SLURP2: variants seen among roughly 807,000 people sequenced by gnomAD.
SLURP2 encodes secreted LY6/PLAUR domain containing 2.
SLURP2 carries 4 observed loss-of-function variants against 9.8 expected under a neutral mutation model. The observed-to-expected ratio is 0.41, with a 90% CI of 0.20 to 0.94. The LOEUF (loss-of-function observed/expected upper bound fraction) is 0.94, where lower values mean the gene tolerates loss of function less well. SLURP2 is among the 40% of genes least tolerant of loss of function. The probability of loss-of-function intolerance (pLI) is 0.32; values close to 1 mark genes in which losing one functional copy is unlikely to be tolerated. For synonymous variants in SLURP2, 58 were observed against 56.2 expected (o/e 1.03, Z -0.15); for missense variants, 118 against 126.4 (o/e 0.93, Z 0.32).
chr8:142,765,303 T>A (rs1385511147), intron 1 of SLURP2, among the ~76,000 whole-genome samples, 163 bp from the exon 2 acceptor site: 1 of 152,204 alleles, frequency 6.6e-6, no homozygotes, highest in Non-Finnish European at 1.5e-5. Context: ...TGGGCCCCTG[T>A]CCCTCACCTT....
intron 2 of SLURP2, 73 bp from the exon 3 acceptor site, chr8:142,764,814 C>T: frequency 1.3e-6 from 2 of 1,571,486 alleles, no homozygotes; most frequent in South Asian, 2.3e-5. Flanking sequence ...CCCCATCTGC[C>T]ACTGAGCTGA....
In SLURP2 at chr8:142,769,773, C is replaced by A. The variant is rs370262783; in HGVS notation, c.34G>T (p.Val12Phe). ...QLGTGLLLAA[V>F]LSLQLAAAEA... ...GACTCACCCAGCTGCAGGCTCAGGA[C>A]GGCGGCCAGCAGGAGCCCAGTGCCG... Residue 12 changes from valine to phenylalanine, a missense_variant, in exon 1 of 3, where the codon GTC (valine) becomes TTC (phenylalanine). Val to Phe is a conservative substitution (Grantham distance 50). Coordinates refer to ENST00000317543, the MANE Select transcript of SLURP2 (RefSeq NM_177458.3). 6.2e-7 allele frequency: 1 copy of A among 1,602,660 alleles called. No individual in the cohort carries two copies. Among genetic ancestry groups the A allele is most frequent in the Non-Finnish European group, 8.5e-7 (1 of 1,176,430 alleles).
chr8:142,764,922 C>T, intron 2 of SLURP2, 114 bp downstream of exon 2: 2 of 1,136,066 alleles, frequency 1.8e-6, no homozygotes, highest in Non-Finnish European at 2.6e-6. Flanking sequence ...GCGGACACTC[C>T]CCACTATGCT....
chr8:142,767,902 AT>A (rs1815053029), intron 1 of SLURP2, among the ~76,000 whole-genome samples: 1 of 72,262 alleles, frequency 1.4e-5, no homozygotes, highest in African/African-American at 4.5e-5. Context: ...GAATGAATAA[AT>A]GAATGAATGA....
chr8:142,765,213 C>G, intron 1 of SLURP2, 73 bp from the exon 2 acceptor site: 1 of 1,158,886 alleles, frequency 8.6e-7, no homozygotes, highest in Non-Finnish European at 1.3e-6. Context: ...AGTGACGGCA[C>G]GCACTCATCT....
rs918056902 is a variant in SLURP2, at chr8:142,768,705, C to T, written c.52+1050G>A. On this transcript the variant is annotated intron_variant, in intron 1 of 2. Transcript: ENST00000317543. The surrounding 1 kb of genome is among the most constrained non-coding windows in gnomAD (Gnocchi z 4.8). ...CAGGTTAAGTCGAGTCCCCAGGCCC[C>T]TGTGTGTCTCGGACCTTCAGCACAG... Among the ~76,000 whole-genome samples the T allele has an allele frequency of 6.6e-6, 1 of 152,174 alleles. No individual in the cohort carries two copies. The highest frequency in any genetic ancestry group is 2.4e-5 in the African/African-American group (1 of 41,446).
intron 1 of SLURP2, among the ~76,000 whole-genome samples, chr8:142,766,612 C>T (rs1010085604): frequency 4.6e-5 from 7 of 152,154 alleles, no homozygotes; most frequent in Non-Finnish European, 1.0e-4. Flanking sequence ...CTCCTGGGCA[C>T]CCCCCAAGGG....
chr8:142,764,433 T>A lies in SLURP2; in HGVS notation c.*172A>T, dbSNP rs1412553245. On this transcript the variant is annotated 3_prime_UTR_variant, in exon 3 of 3. Transcript: ENST00000317543. ...GCCCCAGGCTTGGACGGCAGCAGAT[T>A]GAGGCAAGACTCCACGCAGGACTTC... 4 of 751,650 alleles carry A rather than the reference T, an allele frequency of 5.3e-6. No individual in the cohort carries two copies. The highest frequency in any genetic ancestry group is 9.1e-6 in the Non-Finnish European group (4 of 437,566). The allele number at this position is 751,650 out of a possible 1,614,324, so 46.6% of individuals were successfully genotyped here.
In SLURP2 at chr8:142,764,833, C is replaced by T. The variant is rs587654431; in HGVS notation, c.158-92G>A. On this transcript the variant is annotated intron_variant, in intron 2 of 2. Transcript: ENST00000317543. ...ATCTGCCACTGAGCTGAGGGTCAGA[C>T]GCCCCAGGTACATGAAGCATACGGG... 2.9e-5 allele frequency: 43 copies of T among 1,480,492 alleles called. No homozygotes were observed. The African/African-American group carries it at 3.9e-4, about 14-fold the overall frequency. The allele number at this position is 1,480,492 out of a possible 1,614,324, so 91.7% of individuals were successfully genotyped here.
At chr8:142,765,348 G>T (rs1264423193) in intron 1 of SLURP2, among the ~76,000 whole-genome samples, 1 of 152,176 alleles carries the variant, frequency 6.6e-6, no homozygotes, top group Non-Finnish European at 1.5e-5. Context: ...GGAGCCAGCT[G>T]GTTGCATCCT....
intron 1 of SLURP2, among the ~76,000 whole-genome samples, chr8:142,769,352 G>A (rs1013606468): frequency 7.2e-5 from 11 of 151,930 alleles, no homozygotes; most frequent in Non-Finnish European, 1.5e-4. Context: ...AGGGAGTCCC[G>A]GGAGGGTGGC....
chr8:142,767,827 G>T lies in SLURP2; in HGVS notation c.52+1928C>A, dbSNP rs781039825. Among the ~76,000 whole-genome samples, 9 of 152,158 alleles carry T rather than the reference G, an allele frequency of 5.9e-5. No homozygotes were observed. The South Asian group carries it at 1.0e-3, about 18-fold the overall frequency. ...GAGGGCCTCTGAGGCTGGGCAGGGC[G>T]TTCTACCCATTCCTCAGTGCTCCCT... On this transcript the variant is annotated intron_variant, in intron 1 of 2. Transcript: ENST00000317543.
At chr8:142,764,909 C>A in intron 2 of SLURP2, 127 bp downstream of exon 2, 2 of 1,116,050 alleles carry the variant, frequency 1.8e-6, no homozygotes, top group Non-Finnish European at 2.6e-6. Context: ...CTGGGCATCA[C>A]TGGCGGACAC....
chr8:142,769,510 G>A (rs1815108084), intron 1 of SLURP2, among the ~76,000 whole-genome samples: 1 of 145,460 alleles, frequency 6.9e-6, no homozygotes, highest in Admixed American at 6.9e-5. Context: ...GAGGAAGAGG[G>A]GGGTTTGAGC....
At chr8:142,767,694 A>G (rs1815046669) in intron 1 of SLURP2, among the ~76,000 whole-genome samples, 1 of 151,972 alleles carries the variant, frequency 6.6e-6, no homozygotes, top group Non-Finnish European at 1.5e-5. Context: ...GAATGGTTCC[A>G]ACTCTGACAC....
At position 142,764,582 on chromosome 8, in the gene SLURP2, G is replaced by A. The variant is rs761386819; in HGVS notation, c.*23C>T. 113 of 1,596,896 alleles carry A rather than the reference G, an allele frequency of 7.1e-5. No homozygotes were observed. Among genetic ancestry groups the A allele is most frequent in the Admixed American group, 1.6e-4 (9 of 54,748 alleles). On this transcript the variant is annotated 3_prime_UTR_variant, in exon 3 of 3. Transcript: ENST00000317543. ...TGGGGGCTGTGGGGGCTGAGCGTCCGGGGGCCTGGAGGAGGGCAGCCGTCA... is the reference window on the plus strand; with the variant it reads ...TGGGGGCTGTGGGGGCTGAGCGTCCAGGGGCCTGGAGGAGGGCAGCCGTCA...
Position 142,768,208 on chromosome 8 carries a change from T to A in SLURP2, c.52+1547A>T, listed in dbSNP as rs7006366. On this transcript the variant is annotated intron_variant, in intron 1 of 2. Coordinates refer to ENST00000317543, the MANE Select transcript of SLURP2 (RefSeq NM_177458.3). The surrounding 1 kb of genome is among the most constrained non-coding windows in gnomAD (Gnocchi z 4.8). ...AAGGAAGGGAAGGAGGGAGGAGGAATAGAGAGGAGGAGGGAGGTGGGGTGG... is the reference window on the plus strand; with the variant it reads ...AAGGAAGGGAAGGAGGGAGGAGGAAAAGAGAGGAGGAGGGAGGTGGGGTGG... 1 allele frequency among the ~76,000 whole-genome samples: 131,413 copies of A among 131,424 alleles called. 65,701 individuals carry two copies. The highest frequency in any genetic ancestry group is 1 in the Middle Eastern group (270 of 270). The allele number at this position is 131,424 out of a possible 152,430, so 86.2% of individuals were successfully genotyped here.
intron 2 of SLURP2, 76 bp from the exon 3 acceptor site, chr8:142,764,817 T>A: frequency 6.4e-7 from 1 of 1,561,614 alleles, no homozygotes; most frequent in Non-Finnish European, 8.7e-7. Flanking sequence ...CATCTGCCAC[T>A]GAGCTGAGGG....
intron 1 of SLURP2, 46 bp downstream of exon 1, chr8:142,769,709 G>A (rs772632863): frequency 9.6e-6 from 15 of 1,560,556 alleles, no homozygotes; most frequent in Non-Finnish European, 1.2e-5. Flanking sequence ...TTGGGCTAGA[G>A]TGATGGGGGC....
Sources: allele counts gnomAD v4.1 joint callset (sites outside exome capture counted in the v4.1 genomes callset), GRCh38; gene constraint gnomAD v4.1.1; non-coding constraint Gnocchi (gnomAD v3.1); transcripts MANE v1.5; gene names NCBI Gene and HGNC (gene_info 2026-07-23, HGNC 2026-07-21).